Variants in LINGO1 observed in about 807,000 individuals in gnomAD.
LINGO1 encodes leucine-rich repeat and immunoglobulin-like domain-containing nogo receptor-interacting protein 1.
In LINGO1, 11 loss-of-function variants were observed where a neutral mutation model predicts 37.3. That is an observed-to-expected ratio of 0.29 (90% CI 0.19 to 0.49). LINGO1 has a LOEUF of 0.49. Ranked by LOEUF, LINGO1 falls within the 20% of genes least tolerant of loss-of-function variation. The pLI is 0.99. For synonymous variants in LINGO1, 387 were observed against 403.0 expected, an observed-to-expected ratio of 0.96 and a Z score of 0.48; for missense variants, 585 against 878.2, an observed-to-expected ratio of 0.67 and a Z score of 4.22.
intron 2 of LINGO1, among the ~76,000 whole-genome samples, chr15:77,709,822 C>T (rs2075896636): frequency 6.6e-6 from 1 of 152,236 alleles, no homozygotes; most frequent in Non-Finnish European, 1.5e-5. Flanking sequence ...GTACAAGGCC[C>T]TGGTACAGTG....
intron 1 of LINGO1, among the ~76,000 whole-genome samples, chr15:77,739,146 C>CGGCGG (rs2076234621): frequency 6.6e-6 from 1 of 152,256 alleles, no homozygotes; most frequent in South Asian, 2.1e-4. Context: ...TGAACGCAAC[C>CGGCGG]GGCGGGGGGC....
chr15:77,618,979 T>C (rs2142508570), intron 1 of LINGO1, among the ~76,000 whole-genome samples: 1 of 152,174 alleles, frequency 6.6e-6, no homozygotes, highest in South Asian at 2.1e-4. Flanking sequence ...GACAGAAAAA[T>C]TATGCTACAA....
chr15:77,684,721 G>A (rs1202773534), intron 2 of LINGO1, among the ~76,000 whole-genome samples: 2 of 152,180 alleles, frequency 1.3e-5, no homozygotes, highest in Admixed American at 6.5e-5. Flanking sequence ...GGATGGCCAA[G>A]GAAATGGATG....
chr15:77,745,040 C>A (rs967698006), intron 1 of LINGO1, among the ~76,000 whole-genome samples: 1 of 151,354 alleles, frequency 6.6e-6, no homozygotes, highest in South Asian at 2.1e-4. Context: ...ATTGCTTGAA[C>A]CTGGGAGGTG....
Position 77,815,950 on chromosome 15 carries a change from G to A in LINGO1, c.-458+4308C>T, listed in dbSNP as rs979300881. Among the ~76,000 whole-genome samples, 62 of 152,082 alleles carry A rather than the reference G, an allele frequency of 4.1e-4. 1 individual carries two copies. Among genetic ancestry groups the A allele is most frequent in the Non-Finnish European group, 7.1e-4 (48 of 68,014 alleles). On this transcript the variant is annotated intron_variant, in intron 1 of 5. Transcript: ENST00000562933. Reference sequence around the variant, plus strand: ...CAAACACGTTCTACCCTTGCCCAGCGCTTCCCACCTCCATGCCTTTGCCAG... The same window carrying A: ...CAAACACGTTCTACCCTTGCCCAGCACTTCCCACCTCCATGCCTTTGCCAG...
chr15:77,690,941 C>G (rs534262633), intron 1 of LINGO1: 2 of 152,406 alleles, frequency 1.3e-5, no homozygotes, highest in Admixed American at 6.5e-5. Flanking sequence ...GTAGGGTTCA[C>G]AAGCGGCCTG....
chr15:77,671,776 G>A (rs958500293), intron 3 of LINGO1, among the ~76,000 whole-genome samples: 1 of 152,212 alleles, frequency 6.6e-6, no homozygotes, highest in Non-Finnish European at 1.5e-5. Flanking sequence ...TGTGGTTACA[G>A]ACTGAGTCTT....
chr15:77,749,994 T>C (rs1161578491), intron 1 of LINGO1, among the ~76,000 whole-genome samples: 1 of 151,996 alleles, frequency 6.6e-6, no homozygotes, highest in Non-Finnish European at 1.5e-5. Context: ...GTGGAGAAAG[T>C]GAGCCTGTGA....
At chr15:77,622,057 G>T (rs1223726763) in intron 1 of LINGO1, among the ~76,000 whole-genome samples, 4 of 152,222 alleles carry the variant, frequency 2.6e-5, no homozygotes, top group Non-Finnish European at 5.9e-5. Context: ...GTCTTGCCTT[G>T]ATGCCCGCCG....
intron 2 of LINGO1, among the ~76,000 whole-genome samples, chr15:77,684,232 T>G (rs561937592): frequency 6.6e-6 from 1 of 152,336 alleles, no homozygotes; most frequent in South Asian, 2.1e-4. Context: ...CCTCGTTCAC[T>G]GGGGGCTGTG....
chr15:77,638,584 A>G (rs528620923), upstream of LINGO1, among the ~76,000 whole-genome samples: 2 of 152,364 alleles, frequency 1.3e-5, no homozygotes, highest in East Asian at 1.9e-4. Context: ...CCATTCATTA[A>G]GCGCTTGCCT....
At chr15:77,786,301 CA>C (rs1263681759) in intron 1 of LINGO1, among the ~76,000 whole-genome samples, 1 of 152,144 alleles carries the variant, frequency 6.6e-6, no homozygotes, top group Non-Finnish European at 1.5e-5. Flanking sequence ...TGCTCAAGGC[CA>C]CCCAGTAAGT....
chr15:77,675,134 T>C (rs1429761861), intron 3 of LINGO1, among the ~76,000 whole-genome samples: 2 of 152,176 alleles, frequency 1.3e-5, no homozygotes, highest in African/African-American at 4.8e-5. Flanking sequence ...ATTCCTATGA[T>C]TGGCAAGGGT....
In LINGO1 at chr15:77,659,803, T is replaced by C. The variant is rs546032065; in HGVS notation, c.-13+17286A>G. Among the ~76,000 whole-genome samples the C allele has an allele frequency of 2.8e-5, 4 of 142,530 alleles. No homozygotes were observed. The South Asian group carries it at 9.8e-4, about 35-fold the overall frequency. The allele number at this position is 142,530 out of a possible 152,430, so 93.5% of individuals were successfully genotyped here. A position where few individuals can be genotyped will look rare whatever the true frequency, so the allele number is the denominator to read the frequency against. On this transcript the variant is annotated intron_variant, in intron 3 of 3. Coordinates refer to the LINGO1 transcript ENST00000559893. ...GAAGTCTCCCAGATCAATTACTGTA[T>C]TACCAGGCAGCCTGACCTTGAAAGC...
At chr15:77,700,410 T>A (rs2075767426), upstream of LINGO1, among the ~76,000 whole-genome samples, 1 of 152,210 alleles carries the variant, frequency 6.6e-6, no homozygotes, top group South Asian at 2.1e-4. Context: ...GAAATGGGAT[T>A]TCTCTACTAT....
At chr15:77,795,302 C>T (rs2076863917) in intron 2 of LINGO1, among the ~76,000 whole-genome samples, 1 of 152,202 alleles carries the variant, frequency 6.6e-6, no homozygotes, top group African/African-American at 2.4e-5. Flanking sequence ...CATCCCCTCA[C>T]ACGGACCATG....
chr15:77,681,248 T>C lies in LINGO1; in HGVS notation c.-98-4074A>G, dbSNP rs189807627. On this transcript the variant is annotated intron_variant, in intron 2 of 3. Transcript: ENST00000559893. ...TGTGGGTTTTTTTTTTCTTTGTAAATGAGACCTGTTTAATTGGGTGCAGGC... is the reference window on the plus strand; with the variant it reads ...TGTGGGTTTTTTTTTTCTTTGTAAACGAGACCTGTTTAATTGGGTGCAGGC... Among the ~76,000 whole-genome samples, 4 of 152,108 alleles carry C rather than the reference T, an allele frequency of 2.6e-5. No individual in the cohort carries two copies. The East Asian group carries it at 7.7e-4, about 29-fold the overall frequency.
At chr15:77,718,066 C>A (rs1346132822) in intron 2 of LINGO1, among the ~76,000 whole-genome samples, 2 of 150,840 alleles carry the variant, frequency 1.3e-5, no homozygotes, top group Admixed American at 1.3e-4. Flanking sequence ...TCATGAGCAG[C>A]TACAGAGACA....
intron 1 of LINGO1, 104 bp from the exon 2 acceptor site, chr15:77,616,004 C>A: frequency 1.3e-6 from 1 of 779,850 alleles, no homozygotes; most frequent in Non-Finnish European, 1.9e-6. Context: ...GTCACGATGA[C>A]CCTGATGCAG....
Sources: allele counts gnomAD v4.1 joint callset (sites outside exome capture counted in the v4.1 genomes callset), GRCh38; gene constraint gnomAD v4.1.1; transcripts MANE v1.5; gene names NCBI Gene and HGNC (gene_info 2026-07-23, HGNC 2026-07-21).